The following BAHCC1 variants were observed in gnomAD, a reference collection of about 807,000 sequenced individuals.
BAHCC1 encodes BAH and coiled-coil domain-containing protein 1.
A neutral mutation model predicts 88.2 loss-of-function variants in BAHCC1; 43 were observed. That is an observed-to-expected ratio of 0.49 (90% confidence interval 0.38 to 0.63). BAHCC1 has a LOEUF of 0.63. BAHCC1 is among the 20% of genes least tolerant of loss of function. The pLI is 0.00. For missense variants in BAHCC1, 3,023 were observed against 1,654.8 expected (o/e 1.83, Z -14.34); for synonymous variants, 1,510 against 745.5 (o/e 2.03, Z -16.71).
Position 81,443,357 on chromosome 17 carries a change from C to G in BAHCC1, c.2008C>G (p.Leu670Val). The G allele has an allele frequency of 1.3e-6, 1 of 778,438 alleles. No homozygotes were observed. The highest frequency in any genetic ancestry group is 1.3e-5 in the South Asian group (1 of 74,502). 48.2% of individuals were successfully genotyped at this position (778,438 alleles called of 1,614,324 possible). A position where few individuals can be genotyped will look rare whatever the true frequency, so the allele number is the denominator to read the frequency against. The change falls in exon 5 of 28, where the codon CTG becomes GTG. Residue 670 changes from leucine (L) to valine (V), a missense_variant. Transcript: ENST00000675386. ...CTGCATCCAGCAGGAAGCAAAGTTC[C>G]TGTCCTCTAAGGGCCCAGGCCAGTC... ...ASCIQQEAKF[L>V]SSKGPGQSER...
At position 81,447,822 on chromosome 17, in the gene BAHCC1, G is replaced by A. The variant is rs782216209; in HGVS notation, c.3950G>A (p.Arg1317Gln). ...GAGCTGGCTGACCTGGCAATCCAGC[G>A]GCAGAGGAGTGAGAGGACTGTGCCA... ...LSELADLAIQ[R>Q]QRSERTVPEE... Residue 1317 changes from arginine to glutamine, a missense_variant, in exon 11 of 28, where the codon CGG becomes CAG. Physicochemically the swap from Arg to Gln is conservative, Grantham distance 43. Transcript: ENST00000675386. 2.7e-5 allele frequency: 20 copies of A among 745,970 alleles called. No individual in the cohort carries two copies. The highest frequency in any genetic ancestry group is 2.3e-4 in the Middle Eastern group (1 of 4,404). 46.2% of individuals were successfully genotyped at this position (745,970 alleles called of 1,614,324 possible).
intron 2 of BAHCC1, among the ~76,000 whole-genome samples, chr17:81,419,856 G>A (rs560888646): frequency 6.6e-6 from 1 of 150,740 alleles, no homozygotes; most frequent in East Asian, 2.0e-4. Flanking sequence ...CTGTCTCGGC[G>A]GCTCACTTAA....
At chr17:81,405,113 G>A (rs965795272) in intron 2 of BAHCC1, among the ~76,000 whole-genome samples, 5 of 152,206 alleles carry the variant, frequency 3.3e-5, no homozygotes, top group African/African-American at 1.2e-4. Flanking sequence ...AGGCTGGAGT[G>A]CAGTGGCACA....
intron 2 of BAHCC1, chr17:81,422,964 A>C (rs1284886539): frequency 3.2e-5 from 9 of 283,566 alleles, no homozygotes; most frequent in African/African-American, 1.9e-4. Context: ...GGAAGCCAGC[A>C]CTTCCCTTCC....
At chr17:81,455,640 C>T (rs1053215035) in intron 15 of BAHCC1, among the ~76,000 whole-genome samples, 6 of 152,226 alleles carry the variant, frequency 3.9e-5, no homozygotes, top group African/African-American at 1.4e-4. Context: ...CTCACTCCAG[C>T]AGGAAAGCAA....
In BAHCC1 at chr17:81,442,593, C is replaced by T. The variant is rs942392950; in HGVS notation, c.1244C>T (p.Ala415Val). Residue 415 changes from alanine to valine, a missense_variant, in exon 5 of 28, where the codon GCC (alanine) becomes GTC (valine). Ala to Val is a moderately conservative substitution (Grantham distance 64). Transcript: ENST00000675386. ...GRPFQAAEAC[A>V]VAGEGKDRHL... is the part of the protein sequence containing the mutation. ...CCCTTCCAGGCCGCCGAGGCCTGTGCCGTGGCAGGGGAGGGCAAGGACCGG... is the reference window on the plus strand; with the variant it reads ...CCCTTCCAGGCCGCCGAGGCCTGTGTCGTGGCAGGGGAGGGCAAGGACCGG... 5.2e-6 allele frequency: 4 copies of T among 773,658 alleles called. No individual in the cohort carries two copies. Among genetic ancestry groups the T allele is most frequent in the Middle Eastern group, 2.3e-4 (1 of 4,372 alleles). The allele number at this position is 773,658 out of a possible 1,614,324, so 47.9% of individuals were successfully genotyped here. A position where few individuals can be genotyped will look rare whatever the true frequency, so the allele number is the denominator to read the frequency against.
In BAHCC1 at chr17:81,456,532, G is replaced by GGGA; in HGVS notation, c.4807_4809dup (p.Glu1603dup). ...CCACAGCCCAAGGGCCACGGCAGCCGGGAGACACCCAGGTGCCCAGCCCAG... is the reference window on the plus strand; with the variant it reads ...CCACAGCCCAAGGGCCACGGCAGCCGGGAGGAGACACCCAGGTGCCCAGCCCAG... On this transcript the variant is annotated inframe_insertion, in exon 16 of 28. Transcript: ENST00000675386. 1.4e-6 allele frequency: 1 copy of GGGA among 715,268 alleles called. No individual in the cohort carries two copies. The highest frequency in any genetic ancestry group is 2.6e-6 in the Non-Finnish European group (1 of 384,338). 44.3% of individuals were successfully genotyped at this position (715,268 alleles called of 1,614,324 possible). A position where few individuals can be genotyped will look rare whatever the true frequency, so the allele number is the denominator to read the frequency against.
Position 81,442,197 on chromosome 17 carries a change from G to A in BAHCC1, c.848G>A (p.Cys283Tyr). ...CEGRPKHLTS[C>Y]LLNTKVLNGE... ...GGCCGCCCCAAGCACCTCACCTCCT[G>A]CCTCCTCAACACCAAGGTGCTCAAC... The change falls in exon 5 of 28, where the codon TGC becomes TAC. Residue 283 changes from cysteine (C) to tyrosine (Y), a missense_variant. Coordinates refer to ENST00000675386, the MANE Select transcript of BAHCC1 (RefSeq NM_001377448.1). 3.0e-6 allele frequency: 2 copies of A among 659,132 alleles called. No individual in the cohort carries two copies. The highest frequency in any genetic ancestry group is 1.7e-5 in the South Asian group (1 of 58,920). The allele number at this position is 659,132 out of a possible 1,614,324, so 40.8% of individuals were successfully genotyped here.
Position 81,447,413 on chromosome 17 carries a change from G to A in BAHCC1, c.3541G>A (p.Ala1181Thr). Residue 1181 changes from alanine to threonine, a missense_variant, in exon 11 of 28, where the codon GCA becomes ACA. Coordinates refer to ENST00000675386, the MANE Select transcript of BAHCC1 (RefSeq NM_001377448.1). ...TGQAHSTQGG[A>T]REERSREEGE... ...CCAGGCTCATTCTACTCAGGGAGGG[G>A]CACGAGAAGAGAGGAGCAGGGAGGA... 1.3e-6 allele frequency: 1 copy of A among 744,376 alleles called. No individual in the cohort carries two copies. The highest frequency in any genetic ancestry group is 2.5e-6 in the Non-Finnish European group (1 of 400,246). 46.1% of individuals were successfully genotyped at this position (744,376 alleles called of 1,614,324 possible). A position where few individuals can be genotyped will look rare whatever the true frequency, so the allele number is the denominator to read the frequency against.
At position 81,410,824 on chromosome 17, in the gene BAHCC1, C is replaced by G. The variant is rs559005673; in HGVS notation, c.178+10907C>G. ...AGAGCAAAGATGTCCCCGTATCCCC[C>G]CAGTCTCGGGGCGGGGGTGGGGGCT... On this transcript the variant is annotated intron_variant, in intron 2 of 27. Transcript: ENST00000675386. Among the ~76,000 whole-genome samples, 255 of 152,118 alleles carry G rather than the reference C, an allele frequency of 1.7e-3. 1 individual carries two copies. Among genetic ancestry groups the G allele is most frequent in the African/African-American group, 5.9e-3 (246 of 41,508 alleles).
At chr17:81,427,142 C>T (rs1336886508) in intron 3 of BAHCC1, among the ~76,000 whole-genome samples, 163 bp downstream of exon 3, 1 of 152,130 alleles carries the variant, frequency 6.6e-6, no homozygotes, top group African/African-American at 2.4e-5. Context: ...GCCGAGGAAG[C>T]CCCGGGGGAA....
At chr17:81,406,824 G>A (rs1054537135) in intron 2 of BAHCC1, 4 of 453,242 alleles carry the variant, frequency 8.8e-6, no homozygotes, top group East Asian at 7.0e-5. Context: ...CGCGGGGTTT[G>A]CAGCGAGCCT....
In BAHCC1 at chr17:81,461,868, C is replaced by CTG; in HGVS notation, c.7205_7206insTG (p.Ser2404AlafsTer18). 1 of 723,352 alleles carries CTG rather than the reference C, an allele frequency of 1.4e-6. No homozygotes were observed. Among genetic ancestry groups the CTG allele is most frequent in the Admixed American group, 2.0e-5 (1 of 50,562 alleles). The allele number at this position is 723,352 out of a possible 1,614,324, so 44.8% of individuals were successfully genotyped here. ...AGGGCCACGGTGGCTGGCACCGGTG[C>CTG]GGGCTCAGGCCCCAGCAGCAGCAGC... On this transcript the variant is annotated frameshift_variant, in exon 26 of 28. Coordinates refer to ENST00000675386, the MANE Select transcript of BAHCC1 (RefSeq NM_001377448.1).
chr17:81,451,604 C>A, intron 11 of BAHCC1, 64 bp from the exon 12 acceptor site: 1 of 704,890 alleles, frequency 1.4e-6, no homozygotes, highest in South Asian at 1.5e-5. Flanking sequence ...GGGCTGACAT[C>A]AAGAGCCTGT....
At chr17:81,396,227 G>A (rs2063744809) in intron 1 of BAHCC1, 1 of 152,274 alleles carries the variant, frequency 6.6e-6, no homozygotes, top group African/African-American at 2.4e-5. Flanking sequence ...CGAAGCTAGG[G>A]GCCGGGGAGG....
At chr17:81,444,615 C>T (rs1555653798) in intron 7 of BAHCC1, 47 bp downstream of exon 7, 8 of 752,820 alleles carry the variant, frequency 1.1e-5, no homozygotes, top group Non-Finnish European at 2.0e-5. Flanking sequence ...ATGAGGGTTC[C>T]CTCCTGGTCC....
chr17:81,428,907 C>G (rs2064230095), intron 3 of BAHCC1, among the ~76,000 whole-genome samples: 2 of 152,258 alleles, frequency 1.3e-5, no homozygotes, highest in African/African-American at 4.8e-5. Flanking sequence ...TGTCCTGCCA[C>G]AAGTGTCGAC....
At chr17:81,436,552 AC>A (rs1281829069) in intron 3 of BAHCC1, among the ~76,000 whole-genome samples, 29 of 149,994 alleles carry the variant, frequency 1.9e-4, no homozygotes, top group African/African-American at 6.9e-4. Flanking sequence ...GTTTAACAGT[AC>A]CCCCCAAGGC....
rs548323096 is a variant in BAHCC1, at chr17:81,447,223, C to T, written c.3351C>T (p.Pro1117=). Residue 1117 remains proline (P), a synonymous_variant, in exon 11 of 28, where the codon CCC becomes CCT. Coordinates refer to ENST00000675386, the MANE Select transcript of BAHCC1 (RefSeq NM_001377448.1). ...PPCSPRSLEE[P]GLLSGAREAT... ...GCAGCCCCAGGAGCCTGGAGGAGCC[C>T]GGGCTGCTCTCAGGGGCCAGGGAGG... 5 of 738,006 alleles carry T rather than the reference C, an allele frequency of 6.8e-6. No homozygotes were observed. The highest frequency in any genetic ancestry group is 4.4e-5 in the South Asian group (3 of 67,862). 45.7% of individuals were successfully genotyped at this position (738,006 alleles called of 1,614,324 possible).
Sources: allele counts gnomAD v4.1 joint callset (sites outside exome capture counted in the v4.1 genomes callset), GRCh38; gene constraint gnomAD v4.1.1; transcripts MANE v1.5; gene names NCBI Gene and HGNC (gene_info 2026-07-23, HGNC 2026-07-21).